ZNF707: variants seen among roughly 807,000 people sequenced by gnomAD.
ZNF707 encodes the protein zinc finger protein 707.
A neutral mutation model predicts 13.3 loss-of-function variants in ZNF707; 8 were observed. That is an observed-to-expected ratio of 0.60 (90% confidence interval 0.35 to 1.09). The LOEUF (loss-of-function observed/expected upper bound fraction) is 1.09, where lower values mean the gene tolerates loss of function less well. ZNF707 is among the 50% of genes least tolerant of loss of function. The pLI, the probability that ZNF707 is intolerant of heterozygous loss-of-function variation, is 0.02. For missense variants in ZNF707, 530 were observed against 512.6 expected (o/e 1.03, Z -0.33); for synonymous variants, 225 against 205.6 (o/e 1.09, Z -0.81).
rs782102512 is a variant in ZNF707 at position 143,691,243 on chromosome 8, G to A, written c.142+44G>A. On this transcript the variant is annotated intron_variant, in intron 4 of 5. Coordinates refer to ENST00000358656, the MANE Select transcript of ZNF707 (RefSeq NM_001100598.2). ...CAGCGTGAGCACAGGGTGAGTGCTG[G>A]GAGAGCTCTGCCGCTGCCTCTGGGC... 1.8e-5 allele frequency: 28 copies of A among 1,569,836 alleles called. No homozygotes were observed. In the South Asian group the frequency reaches 2.2e-4, roughly 13 times the overall value.
intron 2 of ZNF707, 76 bp downstream of exon 2, chr8:143,689,377 G>T (rs1370200040): frequency 1.3e-5 from 2 of 152,478 alleles, no homozygotes; most frequent in Non-Finnish European, 2.9e-5. Flanking sequence ...GGCCTCTTCT[G>T]CATCTTGGGG....
chr8:143,685,594 C>T (rs1209758856), intron 1 of ZNF707, among the ~76,000 whole-genome samples: 1 of 149,280 alleles, frequency 6.7e-6, no homozygotes, highest in Admixed American at 6.7e-5. Context: ...AACCCCAGCA[C>T]TTGGGGAGGC....
At chr8:143,684,853 C>A (rs184191555) in intron 1 of ZNF707, 2 of 152,266 alleles carry the variant, frequency 1.3e-5, no homozygotes, top group Non-Finnish European at 1.5e-5. Context: ...TAGACACTTT[C>A]CACACCTGTG....
At chr8:143,686,171 C>T (rs1167032954) in intron 1 of ZNF707, among the ~76,000 whole-genome samples, 1 of 151,974 alleles carries the variant, frequency 6.6e-6, no homozygotes, top group Non-Finnish European at 1.5e-5. Context: ...AATCTCGGCT[C>T]ACTGCAACCT....
At chr8:143,689,667 C>T (rs1333440959) in intron 2 of ZNF707, among the ~76,000 whole-genome samples, 3 of 152,170 alleles carry the variant, frequency 2.0e-5, no homozygotes, top group Admixed American at 6.5e-5. Context: ...ACGGGCTGCC[C>T]GCCTGTCTCC....
chr8:143,686,190 CG>C (rs1563721197), intron 1 of ZNF707, among the ~76,000 whole-genome samples: 1 of 152,058 alleles, frequency 6.6e-6, no homozygotes. Context: ...CTCCGCCTCC[CG>C]GGTTCAAGCA....
chr8:143,693,221 C>T lies in ZNF707; in HGVS notation c.257-450C>T, dbSNP rs1403827614. On this transcript the variant is annotated intron_variant, in intron 5 of 5. Coordinates refer to ENST00000358656, the MANE Select transcript of ZNF707 (RefSeq NM_001100598.2). This position sits in a 1 kb window ranked among gnomAD's most constrained non-coding sequence, Gnocchi z 4.1. ...ACGAGTTTTCCTGATCACTCGTAACCATGTGGAATGAGCTGAGTCAATGGA... is the reference window on the plus strand; with the variant it reads ...ACGAGTTTTCCTGATCACTCGTAACTATGTGGAATGAGCTGAGTCAATGGA... Among the ~76,000 whole-genome samples the T allele has an allele frequency of 6.6e-6, 1 of 151,952 alleles. No individual in the cohort carries two copies. Among genetic ancestry groups the T allele is most frequent in the Non-Finnish European group, 1.5e-5 (1 of 68,010 alleles).
Position 143,689,982 on chromosome 8 carries a change from G to T in ZNF707, c.-52-75G>T, listed in dbSNP as rs1398413010. ...CTGAATTCCCCGTGATTTGCTGAGTGGGGGGGCTCCTGGGGTCAGGTGCGG... is the reference window on the plus strand; with the variant it reads ...CTGAATTCCCCGTGATTTGCTGAGTTGGGGGGCTCCTGGGGTCAGGTGCGG... On this transcript the variant is annotated intron_variant, in intron 2 of 5. Coordinates refer to ENST00000358656, the MANE Select transcript of ZNF707 (RefSeq NM_001100598.2). 1.5e-4 allele frequency: 36 copies of T among 237,358 alleles called. No individual in the cohort carries two copies. In the Admixed American group the frequency reaches 1.7e-3, roughly 11 times the overall value. 14.7% of individuals were successfully genotyped at this position (237,358 alleles called of 1,614,324 possible).
At chr8:143,686,055 A>T (rs1283918393) in intron 1 of ZNF707, among the ~76,000 whole-genome samples, 1 of 151,908 alleles carries the variant, frequency 6.6e-6, no homozygotes, top group African/African-American at 2.4e-5. Context: ...CAGGTTGTGC[A>T]AACACAGCTG....
Position 143,694,266 on chromosome 8 carries a change from G to A in ZNF707, c.852G>A (p.Gly284=). The A allele has an allele frequency of 6.3e-7, 1 of 1,593,876 alleles. No homozygotes were observed. The highest frequency in any genetic ancestry group is 8.5e-7 in the Non-Finnish European group (1 of 1,170,258). Reference sequence around the variant, plus strand: ...TCAGACACCAGCTGGTGCACACCGGGGAGCGGCCGTTCTACTGCGCGGACT... The same window carrying A: ...TCAGACACCAGCTGGTGCACACCGGAGAGCGGCCGTTCTACTGCGCGGACT... ...NLLRHQLVHT[G]ERPFYCADCG... The change falls in exon 6 of 6, where the codon GGG becomes GGA. Residue 284 remains glycine, a synonymous_variant. Transcript: ENST00000358656. The surrounding 1 kb of genome is among the most constrained non-coding windows in gnomAD (Gnocchi z 4.4).
intron 1 of ZNF707, among the ~76,000 whole-genome samples, chr8:143,687,822 G>A (rs1399108793): frequency 3.3e-5 from 5 of 152,196 alleles, no homozygotes. Context: ...CCGGGTTGAA[G>A]AAGTTCTCTT....
rs782678907 is a variant in ZNF707, at chr8:143,694,564, G to A, written c.*34G>A. On this transcript the variant is annotated 3_prime_UTR_variant, in exon 6 of 6. Transcript: ENST00000358656. This position sits in a 1 kb window ranked among gnomAD's most constrained non-coding sequence, Gnocchi z 4.4. ...GAAGAGTGGGGTGCTGCGCCTCTGC[G>A]GGAGTACTGGGTCCTGAGGGAGAGC... 7.1e-6 allele frequency: 11 copies of A among 1,547,434 alleles called. No homozygotes were observed. The highest frequency in any genetic ancestry group is 3.6e-5 in the South Asian group (3 of 82,524).
Position 143,693,964 on chromosome 8 carries a change from G to C in ZNF707, c.550G>C (p.Ala184Pro), listed in dbSNP as rs782544662. The change falls in exon 6 of 6, where the codon GCG becomes CCG. Residue 184 changes from alanine to proline, a missense_variant. By Grantham distance (27) the Ala-to-Pro change is conservative (BLOSUM62 -1). Transcript: ENST00000358656. The surrounding 1 kb of genome is among the most constrained non-coding windows in gnomAD (Gnocchi z 4.1). ...LSFICGTCGK[A>P]LSCHSRLLAH... ...ATTCATCTGCGGCACGTGCGGGAAG[G>C]CGCTCAGCTGCCACAGCCGGCTGCT... The C allele has an allele frequency of 6.3e-7, 1 of 1,599,726 alleles. No homozygotes were observed. Among genetic ancestry groups the C allele is most frequent in the South Asian group, 1.1e-5 (1 of 89,736 alleles).
intron 1 of ZNF707, chr8:143,688,622 T>C (rs957182755): frequency 1.3e-5 from 2 of 151,714 alleles, no homozygotes; most frequent in African/African-American, 2.4e-5. Context: ...GGTAGGTAAT[T>C]TTTTTGTAAT....
chr8:143,692,077 C>T, intron 5 of ZNF707: 1 of 1,352,056 alleles, frequency 7.4e-7, no homozygotes, highest in Non-Finnish European at 9.7e-7. Context: ...GGGTCCCAGG[C>T]CTGGTACTGA....
At chr8:143,692,020 C>G (rs913695243) in intron 5 of ZNF707, 3 of 1,424,104 alleles carry the variant, frequency 2.1e-6, no homozygotes, top group Non-Finnish European at 2.8e-6. Flanking sequence ...TGCTGTCCGG[C>G]GGAGGCCATT....
rs372203670 is a variant in ZNF707 at position 143,694,422 on chromosome 8, G to T, written c.1008G>T (p.Arg336Ser). ...RWPKGFSIHR[R>S]LHLTKRFYEC... ...CCAAGGGCTTCAGCATCCACCGGAG[G>T]CTGCACCTGACGAAGAGGTTCTACG... Residue 336 changes from arginine to serine, a missense_variant, in exon 6 of 6, where the codon AGG becomes AGT. Physicochemically the swap from Arg to Ser is moderately radical, Grantham distance 110 (BLOSUM62 -1). Transcript: ENST00000358656. This position sits in a 1 kb window ranked among gnomAD's most constrained non-coding sequence, Gnocchi z 4.4. 1.2e-6 allele frequency: 2 copies of T among 1,612,538 alleles called. No homozygotes were observed. Among genetic ancestry groups the T allele is most frequent in the Non-Finnish European group, 8.5e-7 (1 of 1,179,686 alleles).
At chr8:143,685,759 C>G (rs112799292) in intron 1 of ZNF707, among the ~76,000 whole-genome samples, 5,607 of 151,986 alleles carry the variant, frequency 0.037, 348 homozygotes, top group African/African-American at 0.13. Context: ...GGGAGGATCA[C>G]TTGAGCCCAG....
chr8:143,689,182 G>A (rs1554612900), intron 1 of ZNF707, 22 bp from the exon 2 acceptor site: 1 of 152,188 alleles, frequency 6.6e-6, no homozygotes, highest in East Asian at 1.9e-4. Context: ...GTTTTTCATC[G>A]AGTTTGTCTG....
Sources: allele counts gnomAD v4.1 joint callset (sites outside exome capture counted in the v4.1 genomes callset), GRCh38; gene constraint gnomAD v4.1.1; non-coding constraint Gnocchi (gnomAD v3.1); transcripts MANE v1.5; gene names NCBI Gene and HGNC (gene_info 2026-07-23, HGNC 2026-07-21).